Variants in NOX4 observed in about 807,000 individuals in gnomAD.
NOX4 encodes the protein kidney oxidase-1.
A neutral mutation model predicts 87.6 loss-of-function variants in NOX4; 69 were observed. The ratio of observed to expected loss-of-function variants is 0.79; its 90% CI spans 0.65 to 0.96. NOX4 has a LOEUF of 0.96. NOX4 is among the 40% of genes least tolerant of loss of function. NOX4 has a pLI of 0.00. For synonymous variants in NOX4, 275 were observed against 238.2 expected (o/e 1.15, Z -1.42); for missense variants, 680 against 681.5 (o/e 1.00, Z 0.02).
At chr11:89,359,928 A>C (rs1938387893) in intron 12 of NOX4, among the ~76,000 whole-genome samples, 1 of 152,116 alleles carries the variant, frequency 6.6e-6, no homozygotes, top group Non-Finnish European at 1.5e-5. Flanking sequence ...TCTTTCTGTT[A>C]ATGCTCACAT....
intron 2 of NOX4, among the ~76,000 whole-genome samples, chr11:89,470,396 C>T (rs1457149018): frequency 6.6e-6 from 1 of 152,012 alleles, no homozygotes; most frequent in African/African-American, 2.4e-5. Flanking sequence ...AAGTTCTAGG[C>T]AACTATGTGT....
At chr11:89,475,955 A>G (rs1946148581) in intron 2 of NOX4, among the ~76,000 whole-genome samples, 1 of 152,126 alleles carries the variant, frequency 6.6e-6, no homozygotes, top group African/African-American at 2.4e-5. Context: ...TTTAGCAAAC[A>G]ATTTTGGAAA....
intron 6 of NOX4, among the ~76,000 whole-genome samples, chr11:89,435,486 A>G (rs1719896398): frequency 6.6e-6 from 1 of 152,130 alleles, no homozygotes; most frequent in South Asian, 2.1e-4. Flanking sequence ...ATTAGTTTCT[A>G]TTACTAAAAA....
At chr11:89,411,302 A>G (rs962026465) in intron 8 of NOX4, among the ~76,000 whole-genome samples, 7 of 152,124 alleles carry the variant, frequency 4.6e-5, no homozygotes, top group African/African-American at 1.7e-4. Context: ...CAAATTCCCA[A>G]CTGTGGTTGT....
chr11:89,551,458 T>C, the NOX4 span, among the ~76,000 whole-genome samples: 1 of 152,222 alleles, frequency 6.6e-6, no homozygotes, highest in Non-Finnish European at 1.5e-5. Context: ...TCCATTTGTT[T>C]GTGTCCTCTC....
At chr11:89,384,509 A>T (rs1940542504) in intron 11 of NOX4, among the ~76,000 whole-genome samples, 1 of 152,122 alleles carries the variant, frequency 6.6e-6, no homozygotes, top group Non-Finnish European at 1.5e-5. Flanking sequence ...CTACAAAACA[A>T]CAACTCCTTT....
chr11:89,511,244 G>T, the NOX4 span, among the ~76,000 whole-genome samples: 1 of 151,144 alleles, frequency 6.6e-6, no homozygotes, highest in Non-Finnish European at 1.5e-5. Flanking sequence ...CATTTTTTTT[G>T]GTGAGAACAT....
intron 8 of NOX4, among the ~76,000 whole-genome samples, chr11:89,412,350 A>G (rs1354165140): frequency 1.3e-5 from 2 of 152,140 alleles, no homozygotes; most frequent in Non-Finnish European, 2.9e-5. Context: ...ATTTTATCCA[A>G]TGGCTGCAGA....
At chr11:89,382,286 T>TC (rs1043916231) in intron 11 of NOX4, among the ~76,000 whole-genome samples, 1 of 152,114 alleles carries the variant, frequency 6.6e-6, no homozygotes, top group Admixed American at 6.5e-5. Context: ...ACTTAAAGCC[T>TC]CTTCAACTCA....
At chr11:89,393,194 G>A (rs181705432) in intron 11 of NOX4, among the ~76,000 whole-genome samples, 204 of 152,068 alleles carry the variant, frequency 1.3e-3, no homozygotes, top group African/African-American at 4.7e-3. Context: ...AGTGGGTCAG[G>A]GCTAAAGATG....
chr11:89,541,697 A>C, the NOX4 span, among the ~76,000 whole-genome samples: 1 of 152,332 alleles, frequency 6.6e-6, no homozygotes, highest in Admixed American at 6.5e-5. Context: ...CACTTTAAAA[A>C]ATTTCTTGAG....
the NOX4 span, among the ~76,000 whole-genome samples, chr11:89,561,531 GATA>G: frequency 1.3e-5 from 2 of 152,138 alleles, no homozygotes; most frequent in African/African-American, 2.4e-5. Flanking sequence ...AAATGACAGT[GATA>G]ATAATTGCTA....
At chr11:89,329,332 T>A in intron 17 of NOX4, among the ~76,000 whole-genome samples, 1 of 123,806 alleles carries the variant, frequency 8.1e-6, no homozygotes. Context: ...ATTATCCAAA[T>A]TGAAGCCCAC....
the NOX4 span, among the ~76,000 whole-genome samples, chr11:89,578,072 A>AT: frequency 1.3e-5 from 2 of 151,802 alleles, no homozygotes; most frequent in African/African-American, 4.8e-5. Flanking sequence ...GCTCATGTCA[A>AT]TTTTTTTGAG....
At chr11:89,412,309 A>C (rs1365541692) in intron 8 of NOX4, among the ~76,000 whole-genome samples, 1 of 152,166 alleles carries the variant, frequency 6.6e-6, no homozygotes, top group Non-Finnish European at 1.5e-5. Context: ...TGCACTATAG[A>C]CCAAATGGAC....
chr11:89,544,137 G>A, the NOX4 span, among the ~76,000 whole-genome samples: 1 of 151,942 alleles, frequency 6.6e-6, no homozygotes, highest in Non-Finnish European at 1.5e-5. Context: ...GCAATGATTT[G>A]GTCTGATTTA....
At chr11:89,425,549 A>C (rs1441132695) in intron 7 of NOX4, among the ~76,000 whole-genome samples, 1 of 152,154 alleles carries the variant, frequency 6.6e-6, no homozygotes, top group African/African-American at 2.4e-5. Flanking sequence ...TTAACGTAAA[A>C]ATGTTCATAA....
chr11:89,345,660 C>T (rs1191762269), intron 13 of NOX4, among the ~76,000 whole-genome samples: 1 of 152,132 alleles, frequency 6.6e-6, no homozygotes, highest in Non-Finnish European at 1.5e-5. Flanking sequence ...GTTTAGTTTT[C>T]TGTTTTTGCA....
chr11:89,401,795 A>G (rs1941869520), intron 9 of NOX4, among the ~76,000 whole-genome samples: 1 of 152,184 alleles, frequency 6.6e-6, no homozygotes, highest in Non-Finnish European at 1.5e-5. Flanking sequence ...TAATTACTTC[A>G]AATAGTCATT....
Sources: gnomAD v4.1 joint callset for allele counts (sites outside exome capture counted in the v4.1 genomes callset) on GRCh38, gnomAD v4.1.1 for gene constraint, MANE v1.5 for transcripts, NCBI Gene and HGNC (gene_info 2026-07-23, HGNC 2026-07-21) for gene names.